Variants in TTN observed in about 807,000 individuals in gnomAD.
TTN encodes the protein titin, also known as connectin.
Under a neutral mutation model 3,223.0 loss-of-function variants are expected in TTN, and 1,525 were observed. The observed-to-expected ratio is 0.47, with a 90% CI of 0.45 to 0.49. The LOEUF (loss-of-function observed/expected upper bound fraction) is 0.49, where lower values mean the gene tolerates loss of function less well. TTN is among the 20% of genes least tolerant of loss of function. TTN has a pLI of 0.00. For missense variants in TTN, 40,786 were observed against 43,424.0 expected, an observed-to-expected ratio of 0.94 and a Z score of 5.40; for synonymous variants, 14,094 against 15,161.0, an observed-to-expected ratio of 0.93 and a Z score of 5.17.
chr2:178,551,864 C>A lies in TTN; in HGVS notation c.91036G>T (p.Asp30346Tyr), dbSNP rs572533691. ...VTSDGMSLTWDAPVYDGGSEV... is the reference protein window; with the variant it reads ...VTSDGMSLTWYAPVYDGGSEV... ...GAACCACCATCATAAACTGGAGCAT[C>A]CCAAGTTAGTGACATGCCATCAGAA... Residue 30346 changes from aspartate (D) to tyrosine (Y), a missense_variant, in exon 335 of 363, where the codon GAT becomes TAT. Asp to Tyr is a radical substitution (Grantham distance 160). Coordinates refer to ENST00000589042, the MANE Select transcript of TTN (RefSeq NM_001267550.2). 6.2e-7 allele frequency: 1 copy of A among 1,613,870 alleles called. No homozygotes were observed. The highest frequency in any genetic ancestry group is 1.1e-5 in the South Asian group (1 of 91,082).
At chr2:178,729,228 G>A in intron 64 of TTN, 59 bp from the exon 65 acceptor site, 1 of 1,548,992 alleles carries the variant, frequency 6.5e-7, no homozygotes, top group Non-Finnish European at 8.7e-7. Context: ...TACCCATAAT[G>A]ATAAGATTTA....
At position 178,551,996 on chromosome 2, in the gene TTN, C is replaced by T. The variant is rs1553538924; in HGVS notation, c.90904G>A (p.Glu30302Lys). The change falls in exon 335 of 363, where the codon GAA becomes AAA. Residue 30302 changes from glutamate (E) to lysine (K), a missense_variant. Glu to Lys is a moderately conservative substitution (Grantham distance 56). Coordinates refer to ENST00000589042, the MANE Select transcript of TTN (RefSeq NM_001267550.2). Reference sequence around the variant, plus strand: ...GGTTGGCTGACTCCGTATCTGTTTTCTGCTCTCACTCTAAACTGGTACTCA... The same window carrying T: ...GGTTGGCTGACTCCGTATCTGTTTTTTGCTCTCACTCTAAACTGGTACTCA... ...DAEYQFRVRA[E>K]NRYGVSQPLV... 2 of 1,611,836 alleles carry T rather than the reference C, an allele frequency of 1.2e-6. No individual in the cohort carries two copies. The highest frequency in any genetic ancestry group is 1.7e-6 in the Non-Finnish European group (2 of 1,178,218).
chr2:178,673,206 T>A (rs2067317472), intron 152 of TTN, among the ~76,000 whole-genome samples: 1 of 151,732 alleles, frequency 6.6e-6, no homozygotes, highest in Non-Finnish European at 1.5e-5. Context: ...GGCTAAACAT[T>A]ACAAAAGGGA....
At position 178,577,322 on chromosome 2, in the gene TTN, G is replaced by C. The variant is rs1196794512; in HGVS notation, c.69013C>G (p.Leu23005Val). ...QITSTPTSSM[L>V]TIKYATRKDA... is the part of the protein sequence containing the mutation. ...TTTCTAGTGGCATACTTGATAGTAAGCATGGAAGATGTTGGGGTTGAAGTT... is the reference window on the plus strand; with the variant it reads ...TTTCTAGTGGCATACTTGATAGTAACCATGGAAGATGTTGGGGTTGAAGTT... Residue 23005 changes from leucine to valine, a missense_variant, in exon 324 of 363, where the codon CTT becomes GTT. By Grantham distance (32) the Leu-to-Val change is conservative (BLOSUM62 1). Transcript: ENST00000589042. 1 of 1,612,800 alleles carries C rather than the reference G, an allele frequency of 6.2e-7. No individual in the cohort carries two copies. Among genetic ancestry groups the C allele is most frequent in the African/African-American group, 1.3e-5 (1 of 74,796 alleles).
At chr2:178,749,030 T>G (rs776559584) in intron 47 of TTN, 1 of 1,612,706 alleles carries the variant, frequency 6.2e-7, no homozygotes, top group Non-Finnish European at 8.5e-7. Context: ...AATTCTATGC[T>G]TCACCTTTTT....
In TTN at chr2:178,682,868, T is replaced by C; in HGVS notation, c.32923A>G (p.Thr10975Ala). 1 of 1,610,514 alleles carries C rather than the reference T, an allele frequency of 6.2e-7. No homozygotes were observed. The highest frequency in any genetic ancestry group is 8.5e-7 in the Non-Finnish European group (1 of 1,178,638). The part of the protein sequence containing the change: ...TIMEEKERAY[T>A]LEEEAVSVQR... ...ACTGAAACAGCTTCTTCTTCTAGGG[T>C]ATAAGCCCTTTCTTTCTCTTCCATT... The change falls in exon 135 of 363, where the codon ACC becomes GCC. Residue 10975 changes from threonine to alanine, a missense_variant. Thr to Ala is a moderately conservative substitution (Grantham distance 58). Transcript: ENST00000589042.
rs878885854 is a variant in TTN at position 178,559,889 on chromosome 2, C to T, written c.86243G>A (p.Arg28748Lys). 1 of 1,613,278 alleles carries T rather than the reference C, an allele frequency of 6.2e-7. No individual in the cohort carries two copies. The highest frequency in any genetic ancestry group is 1.7e-5 in the Admixed American group (1 of 59,996). The change falls in exon 326 of 363, where the codon AGA (arginine) becomes AAA (lysine). Residue 28748 changes from arginine (R) to lysine (K), a missense_variant. Arg to Lys is a conservative substitution (Grantham distance 26, BLOSUM62 2). Transcript: ENST00000589042. ...DSSDPQIAKE[R>K]EEEPLFDIDS... ...AATATCAAATAAAGGTTCTTCTTCT[C>T]TTTCCTTTGCTATCTGAGGGTCAGA...
At chr2:178,724,615 G>A (rs2079018695) in intron 71 of TTN, 77 bp from the exon 72 acceptor site, 1 of 1,408,344 alleles carries the variant, frequency 7.1e-7, no homozygotes, top group Non-Finnish European at 9.3e-7. Flanking sequence ...CACTAAGATT[G>A]TTTCTCCCAG....
chr2:178,749,593 A>G, intron 47 of TTN: 1 of 1,612,128 alleles, frequency 6.2e-7, no homozygotes, highest in Non-Finnish European at 8.5e-7. Context: ...GATCTCTGGA[A>G]TATTTTCCAT....
rs1190690823 is a variant in TTN at position 178,554,860 on chromosome 2, C to A, written c.88594+5G>T. 6.2e-7 allele frequency: 1 copy of A among 1,613,834 alleles called. No homozygotes were observed. The highest frequency in any genetic ancestry group is 1.7e-5 in the Admixed American group (1 of 60,012). ...ATATGACAGTGGTCTGTATTCAGCACCTACCAAGGATCTGTACTCTGATGG... is the reference window on the plus strand; with the variant it reads ...ATATGACAGTGGTCTGTATTCAGCAACTACCAAGGATCTGTACTCTGATGG... On this transcript the variant is annotated splice_donor_5th_base_variant and intron_variant, in intron 331 of 362. Transcript: ENST00000589042.
chr2:178,679,494 A>G, intron 141 of TTN, 78 bp from the exon 142 acceptor site: 2 of 1,588,390 alleles, frequency 1.3e-6, no homozygotes, highest in South Asian at 1.1e-5. Flanking sequence ...AATGTTTTTT[A>G]ACAACGGACA....
rs1387380794 is a variant in TTN, at chr2:178,538,981, G to T, written c.98954C>A (p.Pro32985His). Residue 32985 changes from proline to histidine, a missense_variant, in exon 353 of 363, where the codon CCT becomes CAT. Coordinates refer to ENST00000589042, the MANE Select transcript of TTN (RefSeq NM_001267550.2). ...TTTGCAAACAACTGGTTCAGAAGCA[G>T]GGCTGGTCTCACTCAGGCCAACATC... ...QNDVGLSETSPASEPVVCKDP... is the reference protein window; with the variant it reads ...QNDVGLSETSHASEPVVCKDP... 1.3e-5 allele frequency: 21 copies of T among 1,611,946 alleles called. No homozygotes were observed. Among genetic ancestry groups the T allele is most frequent in the African/African-American group, 8.0e-5 (6 of 74,872 alleles).
rs762286447 is a variant in TTN at position 178,560,479 on chromosome 2, TGGAACTGTAAATG to T, written c.85640_85652del (p.Pro28547GlnfsTer12). On this transcript the variant is annotated frameshift_variant, in exon 326 of 363. Coordinates refer to ENST00000589042, the MANE Select transcript of TTN (RefSeq NM_001267550.2). LOFTEE classifies it high-confidence loss of function. ...TAATTTCCAAAGACGTGGGTGGACT[TGGAACTGTAAATG>T]GATCTAGTGCCTTTATAGCTACACT... The T allele has an allele frequency of 5.6e-6, 9 of 1,613,248 alleles. No homozygotes were observed. The highest frequency in any genetic ancestry group is 4.2e-6 in the Non-Finnish European group (5 of 1,179,670).
rs765561226 is a variant in TTN at position 178,704,522 on chromosome 2, G to T, written c.29950C>A (p.Leu9984Ile). ...TTTTCTAACTTACCAATTACAGTTAGTTTAGCGCTAGCGATGTGTGGACCA... is the reference window on the plus strand; with the variant it reads ...TTTTCTAACTTACCAATTACAGTTATTTTAGCGCTAGCGATGTGTGGACCA... The part of the protein sequence containing the change: ...VCGPHIASAK[L>I]TVIEPAWERH... The change falls in exon 105 of 363, where the codon CTA becomes ATA. Residue 9984 changes from leucine to isoleucine, a missense_variant. By Grantham distance (5) the Leu-to-Ile change is conservative. Transcript: ENST00000589042. 3 of 1,608,532 alleles carry T rather than the reference G, an allele frequency of 1.9e-6. No individual in the cohort carries two copies. The highest frequency in any genetic ancestry group is 2.5e-6 in the Non-Finnish European group (3 of 1,176,860).
In TTN at chr2:178,584,328, T is replaced by G; in HGVS notation, c.65223A>C (p.Gly21741=). The stretch of plus-strand genomic sequence containing the variant: ...CTGTGGGTTTGCTGGGTGGGCTGGA[T>G]CCAGCTTTGTTTAGGGCATAGATTC... The part of the protein sequence containing the change: ...SFRIYALNKA[G]SSPPSKPTEY... Residue 21741 remains glycine (G), a synonymous_variant, in exon 311 of 363, where the codon GGA becomes GGC. Transcript: ENST00000589042. The G allele has an allele frequency of 6.2e-7, 1 of 1,605,166 alleles. No individual in the cohort carries two copies. Among genetic ancestry groups the G allele is most frequent in the South Asian group, 1.1e-5 (1 of 90,366 alleles).
chr2:178,613,146 T>A lies in TTN; in HGVS notation c.49648+15A>T, dbSNP rs1398512687. ...ATGAACTTCGAAATAACCACAAAAA[T>A]TATATAAATAATACCTATGGGATCC... On this transcript the variant is annotated intron_variant, in intron 264 of 362. Transcript: ENST00000589042. 6.2e-7 allele frequency: 1 copy of A among 1,607,044 alleles called. No homozygotes were observed. Among genetic ancestry groups the A allele is most frequent in the Non-Finnish European group, 8.5e-7 (1 of 1,177,620 alleles).
Position 178,725,446 on chromosome 2 carries a change from C to T in TTN, c.20758G>A (p.Ala6920Thr). 6.2e-7 allele frequency: 1 copy of T among 1,612,816 alleles called. No individual in the cohort carries two copies. Among genetic ancestry groups the T allele is most frequent in the South Asian group, 1.1e-5 (1 of 90,864 alleles). Residue 6920 changes from alanine (A) to threonine (T), a missense_variant, in exon 71 of 363, where the codon GCT (alanine) becomes ACT (threonine). Physicochemically the swap from Ala to Thr is moderately conservative, Grantham distance 58. Coordinates refer to ENST00000589042, the MANE Select transcript of TTN (RefSeq NM_001267550.2). ...ATLQFAKAEP[A>T]NAGKYICQIK... ...TGGCAGATATACTTTCCAGCATTAG[C>T]TGGCTCTGCTTTTGCAAACTGTAGA... is the stretch of plus-strand genomic sequence containing the variant.
rs554120941 is a variant in TTN at position 178,649,319 on chromosome 2, G to C, written c.39986C>G (p.Pro13329Arg). 1 of 1,452,610 alleles carries C rather than the reference G, an allele frequency of 6.9e-7. No individual in the cohort carries two copies. Among genetic ancestry groups the C allele is most frequent in the African/African-American group, 1.5e-5 (1 of 67,890 alleles). 90.0% of individuals were successfully genotyped at this position (1,452,610 alleles called of 1,614,324 possible). A position where few individuals can be genotyped will look rare whatever the true frequency, so the allele number is the denominator to read the frequency against. Residue 13329 changes from proline to arginine, a missense_variant, in exon 213 of 363, where the codon CCC becomes CGC. Pro to Arg is a moderately radical substitution (Grantham distance 103, BLOSUM62 -2). Transcript: ENST00000589042. Reference protein sequence around the residue: ...ETPAAKVPEVPKKLVPVKKEP... With the variant: ...ETPAAKVPEVRKKLVPVKKEP... ...TTTCTTTACTGGAACAAGTTTCTTGGGCACCTCAGGCACTTTGAAGATATT... is the reference window on the plus strand; with the variant it reads ...TTTCTTTACTGGAACAAGTTTCTTGCGCACCTCAGGCACTTTGAAGATATT...
intron 223 of TTN, among the ~76,000 whole-genome samples, chr2:178,638,319 T>G (rs1424411051): frequency 6.6e-6 from 1 of 150,700 alleles, no homozygotes; most frequent in African/African-American, 2.4e-5. Flanking sequence ...TTCTAAATAA[T>G]TTATATAAAA....
Sources: gnomAD v4.1 joint callset for allele counts (sites outside exome capture counted in the v4.1 genomes callset) on GRCh38, gnomAD v4.1.1 for gene constraint, MANE v1.5 for transcripts, NCBI Gene and HGNC (gene_info 2026-07-23, HGNC 2026-07-21) for gene names.